MRPL22: variants seen among roughly 807,000 people sequenced by gnomAD.
The protein encoded by MRPL22 is mitochondrial ribosomal protein L22.
MRPL22 carries 27 observed loss-of-function variants against 32.4 expected under a neutral mutation model. That is an observed-to-expected ratio of 0.83 (90% CI 0.61 to 1.15). The LOEUF is 1.15. Ranked by LOEUF, MRPL22 falls within the 50% of genes most tolerant of loss-of-function variation. The pLI is 0.00. For missense variants in MRPL22, 239 were observed against 260.2 expected (o/e 0.92, Z 0.56); for synonymous variants, 86 against 87.3 (o/e 0.99, Z 0.08).
rs1764761216 is a variant in MRPL22, at chr5:154,965,927, G to C, written c.410-759G>C. On this transcript the variant is annotated intron_variant, in intron 6 of 6. Transcript: ENST00000523037. ...CAGATATACTGAATTAGAATCCACA[G>C]AGGTGAGGTCTCAGCATCTGCATTT... Among the ~76,000 whole-genome samples, 2 of 152,266 alleles carry C rather than the reference G, an allele frequency of 1.3e-5. 1 individual carries two copies. Among genetic ancestry groups the C allele is most frequent in the South Asian group, 4.1e-4 (2 of 4,826 alleles).
chr5:154,951,146 C>T (rs1404119845), intron 3 of MRPL22, among the ~76,000 whole-genome samples: 1 of 152,196 alleles, frequency 6.6e-6, no homozygotes, highest in Non-Finnish European at 1.5e-5. Context: ...TGGATAGGGA[C>T]CTTAACTCTA....
chr5:154,966,067 G>A (rs1016699435), intron 6 of MRPL22, among the ~76,000 whole-genome samples: 15 of 152,158 alleles, frequency 9.9e-5, no homozygotes, highest in Non-Finnish European at 2.9e-5. Context: ...CTCCTTGCCT[G>A]AGCCTACAGG....
intron 2 of MRPL22, among the ~76,000 whole-genome samples, chr5:154,947,254 GA>G (rs2113533004): frequency 6.6e-6 from 1 of 152,292 alleles, no homozygotes; most frequent in Non-Finnish European, 1.5e-5. Flanking sequence ...TAGTAAATTA[GA>G]GTTAGGATTT....
chr5:154,951,978 GT>G (rs1199863624), intron 3 of MRPL22, among the ~76,000 whole-genome samples: 3 of 151,280 alleles, frequency 2.0e-5, no homozygotes, highest in Admixed American at 1.3e-4. Flanking sequence ...TGCCTCCCGG[GT>G]TCACGCCATT....
chr5:154,948,433 A>G (rs1234898526), intron 2 of MRPL22, among the ~76,000 whole-genome samples: 1 of 151,370 alleles, frequency 6.6e-6, no homozygotes, highest in Non-Finnish European at 1.5e-5. Flanking sequence ...TTTTTCTTGT[A>G]ATTTATTTGT....
At chr5:154,947,973 A>G (rs1007939913) in intron 2 of MRPL22, among the ~76,000 whole-genome samples, 31 of 152,246 alleles carry the variant, frequency 2.0e-4, no homozygotes, top group African/African-American at 7.0e-4. Context: ...ATGAACATCT[A>G]TGTGGCTAGG....
intron 2 of MRPL22, among the ~76,000 whole-genome samples, chr5:154,944,365 A>T (rs866910148): frequency 2.0e-5 from 3 of 152,136 alleles, no homozygotes; most frequent in Middle Eastern, 3.2e-3. Context: ...AGTCTCTGGG[A>T]TTACAGACGT....
At chr5:154,961,135 G>T (rs974760021) in intron 6 of MRPL22, among the ~76,000 whole-genome samples, 13 of 152,090 alleles carry the variant, frequency 8.5e-5, no homozygotes, top group African/African-American at 3.1e-4. Context: ...ATTGATGTTG[G>T]CCACCACACC....
chr5:154,951,535 T>TTTA (rs1190302072), intron 3 of MRPL22, among the ~76,000 whole-genome samples: 3 of 151,968 alleles, frequency 2.0e-5, no homozygotes, highest in Non-Finnish European at 4.4e-5. Flanking sequence ...TTTATTTTAT[T>TTTA]TTATTATTAT....
chr5:154,944,217 C>T (rs1455974582), intron 2 of MRPL22, among the ~76,000 whole-genome samples: 3 of 152,176 alleles, frequency 2.0e-5, no homozygotes, highest in Admixed American at 6.5e-5. Context: ...TTTGGCCTCC[C>T]AAAGTGCTGG....
intron 2 of MRPL22, among the ~76,000 whole-genome samples, chr5:154,947,671 G>T (rs1764509593): frequency 6.6e-6 from 1 of 152,190 alleles, no homozygotes; most frequent in Admixed American, 6.5e-5. Context: ...TGTTCTTGGT[G>T]CTAGAATACA....
intron 3 of MRPL22, chr5:154,955,128 G>T (rs1582691929): frequency 1.3e-5 from 2 of 152,140 alleles, no homozygotes; most frequent in African/African-American, 4.8e-5. Context: ...TCATTGAGTG[G>T]ATTAATTTTT....
chr5:154,943,520 T>A (rs891179322), intron 2 of MRPL22, among the ~76,000 whole-genome samples: 1 of 151,850 alleles, frequency 6.6e-6, no homozygotes, highest in African/African-American at 2.4e-5. Context: ...AAACATTGAA[T>A]TAGGTTAAGA....
At chr5:154,941,184 A>G (rs1256463921) in intron 1 of MRPL22, 33 bp from the exon 2 acceptor site, 1 of 1,614,108 alleles carries the variant, frequency 6.2e-7, no homozygotes, top group Non-Finnish European at 8.5e-7. Context: ...GTCGAGATGG[A>G]ATCTGAGTTG....
Position 154,950,817 on chromosome 5 carries a change from A to G in MRPL22, c.78-4A>G, listed in dbSNP as rs1764550388. 3.2e-6 allele frequency: 5 copies of G among 1,581,748 alleles called. No individual in the cohort carries two copies. Among genetic ancestry groups the G allele is most frequent in the Middle Eastern group, 1.7e-4 (1 of 6,002 alleles). ...TTGTTTTATAGGCTTCTTTCATTTC[A>G]CAGTGTTTTACCTCAATCATATATC... On this transcript the variant is annotated splice_region_variant and splice_polypyrimidine_tract_variant and intron_variant, in intron 2 of 6. Coordinates refer to ENST00000523037, the MANE Select transcript of MRPL22 (RefSeq NM_014180.4).
chr5:154,959,030 A>G (rs1221415370), intron 5 of MRPL22: 1 of 151,952 alleles, frequency 6.6e-6, no homozygotes, highest in Non-Finnish European at 1.5e-5. Context: ...CTAGTTTTTA[A>G]TTAGATTTTT....
chr5:154,959,760 T>G (rs1469294064), intron 5 of MRPL22, among the ~76,000 whole-genome samples: 1 of 152,204 alleles, frequency 6.6e-6, no homozygotes, highest in African/African-American at 2.4e-5. Context: ...CATTTAAAAC[T>G]TAGTAGGATG....
At chr5:154,962,201 A>G (rs569030964) in intron 6 of MRPL22, among the ~76,000 whole-genome samples, 35 of 152,326 alleles carry the variant, frequency 2.3e-4, no homozygotes, top group African/African-American at 8.2e-4. Flanking sequence ...GATGTGTCAG[A>G]CATTTTATCC....
At position 154,954,950 on chromosome 5, in the gene MRPL22, C is replaced by A. The variant is rs566875141; in HGVS notation, c.196-1421C>A. On this transcript the variant is annotated intron_variant, in intron 3 of 6. Coordinates refer to ENST00000523037, the MANE Select transcript of MRPL22 (RefSeq NM_014180.4). ...GGGACCACAGGCGCCGGCCACCATG[C>A]CCGGCTAATTTTTTTTTTTTGTATT... is the stretch of plus-strand genomic sequence containing the variant. 1.3e-3 allele frequency among the ~76,000 whole-genome samples: 201 copies of A among 151,530 alleles called. 1 individual carries two copies. Among genetic ancestry groups the A allele is most frequent in the Non-Finnish European group, 2.5e-3 (167 of 67,960 alleles).
Sources: allele counts gnomAD v4.1 joint callset (sites outside exome capture counted in the v4.1 genomes callset), GRCh38; gene constraint gnomAD v4.1.1; transcripts MANE v1.5; gene names NCBI Gene and HGNC (gene_info 2026-07-23, HGNC 2026-07-21).